KLHL24: variants seen among roughly 807,000 people sequenced by gnomAD.
The protein encoded by KLHL24 is kelch-like protein 24.
Under a neutral mutation model 53.4 loss-of-function variants are expected in KLHL24, and 29 were observed. The ratio of observed to expected loss-of-function variants is 0.54; its 90% CI spans 0.40 to 0.74. KLHL24 has a LOEUF of 0.74. Ranked by LOEUF, KLHL24 falls within the 30% of genes least tolerant of loss-of-function variation. KLHL24 has a pLI of 0.00. For missense variants in KLHL24, 504 were observed against 744.0 expected (o/e 0.68, Z 3.75); for synonymous variants, 222 against 253.7 (o/e 0.88, Z 1.19).
intron 3 of KLHL24, among the ~76,000 whole-genome samples, chr3:183,658,763 A>G (rs959930948): frequency 6.6e-6 from 1 of 152,120 alleles, no homozygotes; most frequent in Non-Finnish European, 1.5e-5. Context: ...CTGCAAAGTG[A>G]AAGTGGTATC....
chr3:183,652,905 C>T (rs1718328052), intron 3 of KLHL24, among the ~76,000 whole-genome samples: 1 of 152,114 alleles, frequency 6.6e-6, no homozygotes, highest in Non-Finnish European at 1.5e-5. Flanking sequence ...CTGCATATCT[C>T]ATAGGATTAG....
At chr3:183,668,725 T>G (rs1169984832) in intron 5 of KLHL24, among the ~76,000 whole-genome samples, 1 of 152,014 alleles carries the variant, frequency 6.6e-6, no homozygotes, top group Non-Finnish European at 1.5e-5. Context: ...GCCAACATGG[T>G]GAAACCCTGT....
rs573439636 is a variant in KLHL24 at position 183,668,253 on chromosome 3, G to A, written c.1225-2781G>A. On this transcript the variant is annotated intron_variant, in intron 5 of 7. Coordinates refer to ENST00000242810, the MANE Select transcript of KLHL24 (RefSeq NM_017644.3). ...AAAGAGGGGCTAAAATAATCCAGGGGTTGGAAGGAGATGCTGATACAAAGG... is the reference window on the plus strand; with the variant it reads ...AAAGAGGGGCTAAAATAATCCAGGGATTGGAAGGAGATGCTGATACAAAGG... Among the ~76,000 whole-genome samples the A allele has an allele frequency of 2.0e-5, 3 of 152,116 alleles. No homozygotes were observed. In the East Asian group the frequency reaches 5.8e-4, roughly 29 times the overall value.
At chr3:183,672,669 A>T in intron 7 of KLHL24, 185 bp downstream of exon 7, 1 of 365,276 alleles carries the variant, frequency 2.7e-6, no homozygotes, top group East Asian at 4.5e-5. Flanking sequence ...GTTCAAGACC[A>T]GCCTGGCTAA....
At chr3:183,659,424 C>T (rs1368306898) in intron 3 of KLHL24, among the ~76,000 whole-genome samples, 2 of 152,172 alleles carry the variant, frequency 1.3e-5, no homozygotes, top group Admixed American at 6.6e-5. Context: ...ATAATCCCAG[C>T]TGCTGCAGAG....
At chr3:183,647,432 A>G (rs1576897293) in intron 2 of KLHL24, among the ~76,000 whole-genome samples, 1 of 151,124 alleles carries the variant, frequency 6.6e-6, no homozygotes, top group East Asian at 2.0e-4. Context: ...ATTAAAAAAT[A>G]AAAAATGAAA....
intron 5 of KLHL24, among the ~76,000 whole-genome samples, chr3:183,667,215 C>T (rs1979251): frequency 0.31 from 47,842 of 152,028 alleles, 8,019 homozygotes; most frequent in East Asian, 0.48. Context: ...GTCAAGAGAT[C>T]GAGACCATCC....
intron 2 of KLHL24, among the ~76,000 whole-genome samples, chr3:183,646,861 G>A (rs1487761510): frequency 6.6e-6 from 1 of 151,974 alleles, no homozygotes; most frequent in Non-Finnish European, 1.5e-5. Context: ...CCAGGCTGGA[G>A]TGCAGTGGCG....
chr3:183,657,269 C>T (rs1322996504), intron 3 of KLHL24, among the ~76,000 whole-genome samples: 3 of 152,094 alleles, frequency 2.0e-5, no homozygotes, highest in Non-Finnish European at 1.5e-5. Context: ...ATATATTGAC[C>T]ATACATGGCA....
At chr3:183,658,863 A>C (rs1719295682) in intron 3 of KLHL24, among the ~76,000 whole-genome samples, 1 of 151,248 alleles carries the variant, frequency 6.6e-6, no homozygotes, top group African/African-American at 2.4e-5. Flanking sequence ...ACAGTGACAC[A>C]GTCGTAGCTC....
chr3:183,641,035 G>A (rs1276294834), intron 1 of KLHL24, among the ~76,000 whole-genome samples: 1 of 152,108 alleles, frequency 6.6e-6, no homozygotes, highest in Non-Finnish European at 1.5e-5. Context: ...CTGCTGCAGA[G>A]TAATTCTTTA....
At chr3:183,640,114 C>T (rs910980475) in intron 1 of KLHL24, among the ~76,000 whole-genome samples, 2 of 152,088 alleles carry the variant, frequency 1.3e-5, no homozygotes, top group African/African-American at 2.4e-5. Flanking sequence ...TAAAACAATG[C>T]ATTAAATACC....
At chr3:183,674,833 A>G (rs1326718037) in intron 7 of KLHL24, among the ~76,000 whole-genome samples, 2 of 152,184 alleles carry the variant, frequency 1.3e-5, no homozygotes, top group African/African-American at 4.8e-5. Context: ...TGTCATTTGT[A>G]GTCTCTAAAC....
intron 7 of KLHL24, among the ~76,000 whole-genome samples, chr3:183,674,198 C>G (rs1721751632): frequency 6.6e-6 from 1 of 151,832 alleles, no homozygotes. Flanking sequence ...TCTAATTAGT[C>G]TTCCTTTCTC....
At position 183,671,186 on chromosome 3, in the gene KLHL24, TG is replaced by T. The variant is rs1356152660; in HGVS notation, c.1379del (p.Gly460ValfsTer36). On this transcript the variant is annotated frameshift_variant, in exon 6 of 8. Coordinates refer to ENST00000242810, the MANE Select transcript of KLHL24 (RefSeq NM_017644.3). LOFTEE classifies it high-confidence loss of function. ...GCTGTGTAGGCAAACTGTTTGTGAT[TG>T]GTGGAGGACCTGATGATAATACTTG... is the stretch of plus-strand genomic sequence containing the variant. ...TSCVGKLFVIGGGPDDNTCSD... is the reference protein window; with the variant it reads ...TSCVGKLFVIXGGPDDNTCSD... 2 of 1,614,116 alleles carry T rather than the reference TG, an allele frequency of 1.2e-6. No homozygotes were observed. Among genetic ancestry groups the T allele is most frequent in the Non-Finnish European group, 1.7e-6 (2 of 1,179,992 alleles).
chr3:183,668,707 C>G (rs1720912988), intron 5 of KLHL24, among the ~76,000 whole-genome samples: 1 of 152,094 alleles, frequency 6.6e-6, no homozygotes, highest in African/African-American at 2.4e-5. Context: ...GAGTTCAAGA[C>G]CAGCCTGGCC....
intron 5 of KLHL24, among the ~76,000 whole-genome samples, chr3:183,667,863 C>T (rs1270506238): frequency 6.6e-6 from 1 of 151,832 alleles, no homozygotes; most frequent in Non-Finnish European, 1.5e-5. Flanking sequence ...ACTGCAGGCA[C>T]ACACCATCAC....
intron 5 of KLHL24, 47 bp from the exon 6 acceptor site, chr3:183,670,987 A>C: frequency 7.1e-7 from 1 of 1,415,314 alleles, no homozygotes. Context: ...CTACTTCAAA[A>C]TTCAGACTTT....
At chr3:183,639,356 C>T (rs1419652420) in intron 1 of KLHL24, among the ~76,000 whole-genome samples, 1 of 151,516 alleles carries the variant, frequency 6.6e-6, no homozygotes, top group Non-Finnish European at 1.5e-5. Context: ...TGTGGCCGGG[C>T]GCGGTGGCTC....
Sources: allele counts gnomAD v4.1 joint callset (sites outside exome capture counted in the v4.1 genomes callset), GRCh38; gene constraint gnomAD v4.1.1; transcripts MANE v1.5; gene names NCBI Gene and HGNC (gene_info 2026-07-23, HGNC 2026-07-21).